Variants in ITGB1 observed in about 807,000 individuals in gnomAD.
The protein encoded by ITGB1 is integrin subunit beta 1.
ITGB1 carries 24 observed loss-of-function variants against 86.5 expected under a neutral mutation model. The observed-to-expected ratio is 0.28, with a 90% CI of 0.20 to 0.39. The LOEUF (loss-of-function observed/expected upper bound fraction) is 0.39, where lower values mean the gene tolerates loss of function less well. ITGB1 is among the 10% of genes least tolerant of loss of function. The probability of loss-of-function intolerance (pLI) is 1.00; values close to 1 mark genes in which losing one functional copy is unlikely to be tolerated. For synonymous variants in ITGB1, 323 were observed against 316.8 expected (o/e 1.02, Z -0.21); for missense variants, 556 against 946.9 (o/e 0.59, Z 5.42).
At chr10:32,913,455 A>T (rs2094920408) in intron 11 of ITGB1, among the ~76,000 whole-genome samples, 1 of 152,202 alleles carries the variant, frequency 6.6e-6, no homozygotes, top group Non-Finnish European at 1.5e-5. Flanking sequence ...TAGAATAAAG[A>T]GCGTAGAGAA....
Position 32,910,326 on chromosome 10 carries a change from A to G in ITGB1, c.2061T>C (p.Pro687=). ...DKLPQPVQPD[P]VSHCKEKDVD... ...CATCCTTCTCCTTACAATGGGACAC[A>G]GGATCAGGTTGGACCGGCTGGGGTA... The change falls in exon 14 of 16, where the codon CCT becomes CCC. Residue 687 remains proline, a synonymous_variant. Coordinates refer to ENST00000302278, the MANE Select transcript of ITGB1 (RefSeq NM_002211.4). The G allele has an allele frequency of 6.2e-7, 1 of 1,602,914 alleles. No individual in the cohort carries two copies. Among genetic ancestry groups the G allele is most frequent in the Non-Finnish European group, 8.5e-7 (1 of 1,170,190 alleles).
chr10:32,920,101 AG>A lies in ITGB1; in HGVS notation c.1270-18del. 5.6e-6 allele frequency: 9 copies of A among 1,601,754 alleles called. No individual in the cohort carries two copies. Among genetic ancestry groups the A allele is most frequent in the Non-Finnish European group, 7.7e-6 (9 of 1,169,910 alleles). The stretch of plus-strand genomic sequence containing the variant: ...AAATTGAACCTTGAAGGGAAAAAAA[AG>A]ATTAACAACCAACTAAACAATTTAA... On this transcript the variant is annotated intron_variant, in intron 10 of 15. Coordinates refer to ENST00000302278, the MANE Select transcript of ITGB1 (RefSeq NM_002211.4).
chr10:32,941,804 C>G lies in ITGB1; in HGVS notation c.1-6246G>C, dbSNP rs924336635. Among the ~76,000 whole-genome samples the G allele has an allele frequency of 2.6e-5, 4 of 152,050 alleles. No homozygotes were observed. In the East Asian group the frequency reaches 7.7e-4, roughly 29 times the overall value. Reference sequence around the variant, plus strand: ...GTAGCTATGAGGGATCTGCTGCTTACTTGGAGAAGGAAGGATGGGAGAAAG... The same window carrying G: ...GTAGCTATGAGGGATCTGCTGCTTAGTTGGAGAAGGAAGGATGGGAGAAAG... On this transcript the variant is annotated intron_variant, in intron 1 of 15. Transcript: ENST00000302278.
chr10:32,905,224 A>G (rs1184327535), intron 15 of ITGB1, among the ~76,000 whole-genome samples: 1 of 152,232 alleles, frequency 6.6e-6, no homozygotes, highest in Non-Finnish European at 1.5e-5. Context: ...AACTTTAAAA[A>G]TCTTACGGTC....
intron 11 of ITGB1, among the ~76,000 whole-genome samples, chr10:32,914,555 A>G (rs1279356203): frequency 6.6e-6 from 1 of 152,176 alleles, no homozygotes; most frequent in Non-Finnish European, 1.5e-5. Context: ...ACAAAGATCA[A>G]AAGGGACAAA....
intron 7 of ITGB1, among the ~76,000 whole-genome samples, chr10:32,923,193 A>G (rs1297844521): frequency 1.3e-5 from 2 of 152,240 alleles, no homozygotes; most frequent in African/African-American, 2.4e-5. Flanking sequence ...TGCTTTGCCA[A>G]TATTTATTTT....
chr10:32,918,383 TA>T, intron 11 of ITGB1, among the ~76,000 whole-genome samples: 2 of 151,968 alleles, frequency 1.3e-5, no homozygotes, highest in Admixed American at 1.3e-4. Context: ...ATAATAATAA[TA>T]ATAATTTAAA....
intron 6 of ITGB1, among the ~76,000 whole-genome samples, chr10:32,925,494 T>C (rs533309451): frequency 6.6e-5 from 10 of 152,314 alleles, no homozygotes; most frequent in Admixed American, 5.9e-4. Flanking sequence ...TCAAGGTTCC[T>C]GGTGATGCCT....
At chr10:32,933,436 C>T (rs1435090492) in intron 2 of ITGB1, 7 of 152,178 alleles carry the variant, frequency 4.6e-5, no homozygotes, top group African/African-American at 1.7e-4. Context: ...CCCAGAATTT[C>T]TCAGGCTCTA....
At chr10:32,944,410 G>T in intron 1 of ITGB1, 1 of 309,138 alleles carries the variant, frequency 3.2e-6, no homozygotes, top group South Asian at 3.0e-5. Context: ...GCGTCTACGC[G>T]GCAGCAGCCG....
At chr10:32,937,649 A>C (rs893864181) in intron 1 of ITGB1, among the ~76,000 whole-genome samples, 16 of 152,272 alleles carry the variant, frequency 1.1e-4, no homozygotes, top group South Asian at 8.3e-4. Flanking sequence ...CAAAAGAAAA[A>C]AAGATGAGAA....
chr10:32,917,041 A>G (rs953377445), intron 11 of ITGB1, among the ~76,000 whole-genome samples: 1 of 152,184 alleles, frequency 6.6e-6, no homozygotes, highest in African/African-American at 2.4e-5. Context: ...AATACCACAC[A>G]TCTACAACCA....
At chr10:32,957,233 C>T (rs951051623) in intron 1 of ITGB1, among the ~76,000 whole-genome samples, 2 of 152,198 alleles carry the variant, frequency 1.3e-5, no homozygotes, top group Admixed American at 1.3e-4. Context: ...TACTAATGAT[C>T]ATACCAATGA....
At chr10:32,912,601 A>C (rs1333545610) in intron 11 of ITGB1, among the ~76,000 whole-genome samples, 2 of 152,206 alleles carry the variant, frequency 1.3e-5, no homozygotes, top group Non-Finnish European at 2.9e-5. Flanking sequence ...GCAAGGCAGC[A>C]GGGAGGCCGA....
At chr10:32,907,179 A>C (rs1273038427) in intron 15 of ITGB1, 3 of 938,080 alleles carry the variant, frequency 3.2e-6, no homozygotes, top group Non-Finnish European at 3.1e-6. Flanking sequence ...TGATTTCATC[A>C]GAAAAAAAAA....
At chr10:32,946,600 C>A (rs1212927834) in intron 1 of ITGB1, among the ~76,000 whole-genome samples, 1 of 152,054 alleles carries the variant, frequency 6.6e-6, no homozygotes, top group Non-Finnish European at 1.5e-5. Flanking sequence ...TGACCATCTT[C>A]CACAGCATAT....
chr10:32,953,276 C>T (rs2137270302), intron 1 of ITGB1, among the ~76,000 whole-genome samples: 1 of 152,306 alleles, frequency 6.6e-6, no homozygotes, highest in East Asian at 1.9e-4. Flanking sequence ...ATAAAACACT[C>T]TTTGGTATTT....
At chr10:32,903,310 C>T (rs1352703001) in intron 15 of ITGB1, among the ~76,000 whole-genome samples, 2 of 132,666 alleles carry the variant, frequency 1.5e-5, no homozygotes, top group East Asian at 4.4e-4. Flanking sequence ...TGAGATCGCA[C>T]CACTGCACTC....
intron 1 of ITGB1, among the ~76,000 whole-genome samples, chr10:32,953,225 G>A (rs112600951): frequency 8.5e-5 from 13 of 152,122 alleles, no homozygotes; most frequent in African/African-American, 3.1e-4. Context: ...CATTGTTAGG[G>A]AATATTACAT....
Sources: allele counts gnomAD v4.1 joint callset (sites outside exome capture counted in the v4.1 genomes callset), GRCh38; gene constraint gnomAD v4.1.1; transcripts MANE v1.5; gene names NCBI Gene and HGNC (gene_info 2026-07-23, HGNC 2026-07-21).